PDZRN3: variants seen among roughly 807,000 people sequenced by gnomAD.
PDZRN3 encodes PDZ domain containing ring finger 3.
A neutral mutation model predicts 85.7 loss-of-function variants in PDZRN3; 38 were observed. The observed-to-expected ratio is 0.44, with a 90% CI of 0.34 to 0.58. The LOEUF (loss-of-function observed/expected upper bound fraction) is 0.58, where lower values mean the gene tolerates loss of function less well. PDZRN3 is among the 20% of genes least tolerant of loss of function. PDZRN3 has a pLI of 0.01. For synonymous variants in PDZRN3, 759 were observed against 638.0 expected, an observed-to-expected ratio of 1.19 and a Z score of -2.86; for missense variants, 1,629 against 1,506.4, an observed-to-expected ratio of 1.08 and a Z score of -1.35.
intron 3 of PDZRN3, among the ~76,000 whole-genome samples, chr3:73,423,966 C>A (rs999998082): frequency 6.6e-6 from 1 of 151,992 alleles, no homozygotes; most frequent in South Asian, 2.1e-4. Flanking sequence ...TTCCCCGTGA[C>A]GAGGAAGAGA....
At chr3:73,495,353 C>T (rs1703848067) in intron 3 of PDZRN3, among the ~76,000 whole-genome samples, 1 of 152,088 alleles carries the variant, frequency 6.6e-6, no homozygotes, top group Non-Finnish European at 1.5e-5. Context: ...TTGGTCATCT[C>T]CTCTTCCAAG....
intron 3 of PDZRN3, among the ~76,000 whole-genome samples, chr3:73,530,572 G>GA (rs1450492669): frequency 7.9e-5 from 12 of 152,094 alleles, no homozygotes; most frequent in Non-Finnish European, 1.5e-4. Context: ...TCAAATATAA[G>GA]AACAAAACCG....
intron 5 of PDZRN3, among the ~76,000 whole-genome samples, chr3:73,396,497 C>T (rs1484548236): frequency 6.6e-6 from 1 of 152,186 alleles, no homozygotes; most frequent in Non-Finnish European, 1.5e-5. Flanking sequence ...TCCTGTGCCT[C>T]AAAGGCTAAA....
chr3:73,506,196 G>T (rs966064379), intron 3 of PDZRN3, among the ~76,000 whole-genome samples: 2 of 152,150 alleles, frequency 1.3e-5, no homozygotes, highest in African/African-American at 4.8e-5. Flanking sequence ...GTACCTCAGG[G>T]CTGAGAGAGC....
chr3:73,503,055 G>A (rs1704011482), intron 3 of PDZRN3, among the ~76,000 whole-genome samples: 2 of 152,196 alleles, frequency 1.3e-5, no homozygotes, highest in African/African-American at 4.8e-5. Flanking sequence ...ATGGATAGTA[G>A]TTTTGTTGTT....
At position 73,570,081 on chromosome 3, in the gene PDZRN3, C is replaced by T. The variant is rs529511959; in HGVS notation, c.918+32273G>A. 2.6e-5 allele frequency among the ~76,000 whole-genome samples: 4 copies of T among 152,264 alleles called. No individual in the cohort carries two copies. In the East Asian group the frequency reaches 7.7e-4, roughly 29 times the overall value. On this transcript the variant is annotated intron_variant, in intron 3 of 9. Transcript: ENST00000263666. Reference sequence around the variant, plus strand: ...AAGCCCTTATACTACCCCGCTGACACATTATATATTTGGTCTCGCTTACTG... The same window carrying T: ...AAGCCCTTATACTACCCCGCTGACATATTATATATTTGGTCTCGCTTACTG...
intron 3 of PDZRN3, among the ~76,000 whole-genome samples, chr3:73,580,057 T>A (rs1206242471): frequency 6.6e-6 from 1 of 152,212 alleles, no homozygotes; most frequent in Non-Finnish European, 1.5e-5. Context: ...CTCCATATTC[T>A]GTAAAGTGCT....
intron 3 of PDZRN3, chr3:73,569,206 T>G: frequency 7.8e-7 from 1 of 1,289,318 alleles, no homozygotes; most frequent in Non-Finnish European, 1.0e-6. Context: ...AGGAATCAGA[T>G]TTCTGAAGGT....
intron 3 of PDZRN3, among the ~76,000 whole-genome samples, chr3:73,554,487 CAGA>C (rs1246742007): frequency 1.3e-5 from 2 of 152,076 alleles, no homozygotes; most frequent in African/African-American, 2.4e-5. Flanking sequence ...TCACTCTTCA[CAGA>C]AGCATGGGCC....
At chr3:73,424,123 G>T (rs1702258749) in intron 3 of PDZRN3, among the ~76,000 whole-genome samples, 1 of 151,974 alleles carries the variant, frequency 6.6e-6, no homozygotes, top group Non-Finnish European at 1.5e-5. Flanking sequence ...ATATCTTTCT[G>T]ACTCAGAGAG....
At chr3:73,500,539 TATA>T (rs1703957170) in intron 3 of PDZRN3, among the ~76,000 whole-genome samples, 1 of 152,198 alleles carries the variant, frequency 6.6e-6, no homozygotes, top group African/African-American at 2.4e-5. Flanking sequence ...CTCCACTCTA[TATA>T]AGTGTTGTTG....
intron 1 of PDZRN3, among the ~76,000 whole-genome samples, chr3:73,613,750 A>G (rs1389770250): frequency 1.3e-5 from 2 of 152,086 alleles, no homozygotes; most frequent in Admixed American, 6.6e-5. Flanking sequence ...CAGGGTGCAG[A>G]AGGGCAGTTC....
chr3:73,395,825 A>C (rs1242769596), intron 5 of PDZRN3, among the ~76,000 whole-genome samples: 2 of 152,244 alleles, frequency 1.3e-5, no homozygotes, highest in Non-Finnish European at 2.9e-5. Flanking sequence ...CTGGGTGCCT[A>C]CTATATGCCA....
At chr3:73,510,452 A>C (rs752789201) in intron 3 of PDZRN3, among the ~76,000 whole-genome samples, 3 of 152,376 alleles carry the variant, frequency 2.0e-5, no homozygotes, top group Non-Finnish European at 4.4e-5. Flanking sequence ...GCTGCAGTCT[A>C]AATATCCAGT....
rs536579429 is a variant in PDZRN3, at chr3:73,529,448, C to G, written c.918+72906G>C. 1.3e-4 allele frequency among the ~76,000 whole-genome samples: 20 copies of G among 152,342 alleles called. No homozygotes were observed. The East Asian group carries it at 3.9e-3, about 29-fold the overall frequency. On this transcript the variant is annotated intron_variant, in intron 3 of 9. Transcript: ENST00000263666. ...ACTGCCCACAGTCCCCACCCCTCCCCCTATGGCTCTGTACCCCTGCTACAG... is the reference window on the plus strand; with the variant it reads ...ACTGCCCACAGTCCCCACCCCTCCCGCTATGGCTCTGTACCCCTGCTACAG...
intron 3 of PDZRN3, among the ~76,000 whole-genome samples, chr3:73,540,490 C>G (rs1210632606): frequency 6.6e-6 from 1 of 152,136 alleles, no homozygotes. Context: ...CCCATCATCC[C>G]CACGTATTGT....
chr3:73,384,092 G>A lies in PDZRN3; in HGVS notation c.2474C>T (p.Ser825Phe), dbSNP rs1190378123. Residue 825 changes from serine to phenylalanine, a missense_variant, in exon 10 of 10, where the codon TCC becomes TTC. Coordinates refer to ENST00000263666, the MANE Select transcript of PDZRN3 (RefSeq NM_015009.3). Reference sequence around the variant, plus strand: ...CTGGTTGGGGTCCAGCTCCTTCAGGGACGGGCTATAGGTAGGGGTGCCCAC... The same window carrying A: ...CTGGTTGGGGTCCAGCTCCTTCAGGAACGGGCTATAGGTAGGGGTGCCCAC... Reference protein sequence around the residue: ...PEVGTPTYSPSLKELDPNQPL... With the variant: ...PEVGTPTYSPFLKELDPNQPL... The A allele has an allele frequency of 3.7e-6, 6 of 1,613,658 alleles. 1 individual carries two copies. The South Asian group carries it at 6.6e-5, about 18-fold the overall frequency.
At chr3:73,622,441 G>A (rs747467159) in intron 1 of PDZRN3, among the ~76,000 whole-genome samples, 16 of 152,318 alleles carry the variant, frequency 1.1e-4, no homozygotes, top group East Asian at 5.8e-4. Context: ...CAACCAGAGC[G>A]GTGGCAGCAG....
At chr3:73,615,910 C>T (rs1702754964) in intron 1 of PDZRN3, among the ~76,000 whole-genome samples, 1 of 152,154 alleles carries the variant, frequency 6.6e-6, no homozygotes, top group Admixed American at 6.5e-5. Flanking sequence ...TGACTGTCCC[C>T]CCAAATCTCT....
Sources: allele counts gnomAD v4.1 joint callset (sites outside exome capture counted in the v4.1 genomes callset), GRCh38; gene constraint gnomAD v4.1.1; transcripts MANE v1.5; gene names NCBI Gene and HGNC (gene_info 2026-07-23, HGNC 2026-07-21).